Variants in STXBP6 observed in about 807,000 individuals in gnomAD.
STXBP6 encodes the protein syntaxin-binding protein 6.
In STXBP6, 21 loss-of-function variants were observed where a neutral mutation model predicts 26.9. The observed-to-expected ratio is 0.78, with a 90% CI of 0.55 to 1.12. The LOEUF (loss-of-function observed/expected upper bound fraction) is 1.12, where lower values mean the gene tolerates loss of function less well. Among genes scored for constraint, STXBP6 ranks in the 50% most tolerant of loss-of-function variants. The pLI is 0.00. For missense variants in STXBP6, 232 were observed against 257.9 expected, an observed-to-expected ratio of 0.90 and a Z score of 0.69; for synonymous variants, 97 against 92.6, an observed-to-expected ratio of 1.05 and a Z score of -0.27.
rs2068069069 is a variant in STXBP6, at chr14:24,819,185, A to G, written c.461T>C (p.Ile154Thr). Residue 154 changes from isoleucine to threonine, a missense_variant, in exon 5 of 6, where the codon ATC becomes ACC. Coordinates refer to ENST00000323944, the MANE Select transcript of STXBP6 (RefSeq NM_001394410.1). Reference sequence around the variant, plus strand: ...CACGCTGTCAGCAGCTGAATGGAGGATGCTGTTTCCTGAAAGGAGGAGAGC... The same window carrying G: ...CACGCTGTCAGCAGCTGAATGGAGGGTGCTGTTTCCTGAAAGGAGGAGAGC... ...CQSKIMGGNS[I>T]LHSAADSVTS... The G allele has an allele frequency of 6.2e-7, 1 of 1,613,946 alleles. No individual in the cohort carries two copies. The highest frequency in any genetic ancestry group is 8.5e-7 in the Non-Finnish European group (1 of 1,180,010).
At chr14:24,995,095 C>G (rs1007621105) in intron 1 of STXBP6, 1 of 151,854 alleles carries the variant, frequency 6.6e-6, no homozygotes, top group Non-Finnish European at 1.5e-5. Context: ...TCTCACTTTT[C>G]GGGAGGCTAA....
intron 4 of STXBP6, among the ~76,000 whole-genome samples, chr14:24,847,849 T>C (rs986996142): frequency 2.6e-5 from 4 of 152,186 alleles, no homozygotes; most frequent in East Asian, 3.8e-4. Context: ...ATTTTAAACA[T>C]TGTTGTTTTG....
chr14:25,049,961 G>A lies in STXBP6; in HGVS notation c.-116C>T. The stretch of plus-strand genomic sequence containing the variant: ...AGGCTCCTCCCCGGGGGGCTGCCCC[G>A]CGCGGGGCTCCGGGCTCCGGACAAG... On this transcript the variant is annotated 5_prime_UTR_variant, in exon 1 of 6. Coordinates refer to ENST00000323944, the MANE Select transcript of STXBP6 (RefSeq NM_001394410.1). The surrounding 1 kb of genome is among the most constrained non-coding windows in gnomAD (Gnocchi z 5.6). 2 of 837,036 alleles carry A rather than the reference G, an allele frequency of 2.4e-6. No homozygotes were observed. Among genetic ancestry groups the A allele is most frequent in the South Asian group, 5.5e-5 (1 of 18,274 alleles). 51.9% of individuals were successfully genotyped at this position (837,036 alleles called of 1,614,324 possible).
intron 1 of STXBP6, among the ~76,000 whole-genome samples, chr14:25,019,552 C>T (rs1358659528): frequency 2.0e-5 from 3 of 152,184 alleles, no homozygotes; most frequent in East Asian, 1.9e-4. Flanking sequence ...GAGTGAATTG[C>T]CTGGTTGGCA....
chr14:24,826,189 G>C (rs746653973), intron 4 of STXBP6, among the ~76,000 whole-genome samples: 1 of 152,112 alleles, frequency 6.6e-6, no homozygotes, highest in Non-Finnish European at 1.5e-5. Context: ...AATGCTACTG[G>C]TTAAAAAGCA....
chr14:25,004,181 T>G (rs1566554050), intron 1 of STXBP6, among the ~76,000 whole-genome samples: 1 of 152,202 alleles, frequency 6.6e-6, no homozygotes, highest in Non-Finnish European at 1.5e-5. Context: ...AATACAGTGA[T>G]AGGCCAAACA....
chr14:24,929,735 A>G (rs1308980126), intron 2 of STXBP6, among the ~76,000 whole-genome samples: 1 of 152,234 alleles, frequency 6.6e-6, no homozygotes, highest in African/African-American at 2.4e-5. Flanking sequence ...ATGTTCTACG[A>G]AAGATGGTCA....
chr14:24,962,287 T>TTTTATTTATTTA (rs72330952), intron 2 of STXBP6, among the ~76,000 whole-genome samples: 2 of 140,226 alleles, frequency 1.4e-5, no homozygotes, highest in Non-Finnish European at 3.1e-5. Flanking sequence ...GTACAAGATA[T>TTTTATTTATTTA]TTTATTTATT....
In STXBP6 at chr14:24,866,467, A is replaced by T. The variant is rs562748230; in HGVS notation, c.155-9310T>A. Among the ~76,000 whole-genome samples, 6 of 152,192 alleles carry T rather than the reference A, an allele frequency of 3.9e-5. No homozygotes were observed. In the East Asian group the frequency reaches 1.2e-3, roughly 30 times the overall value. ...TGTATATGTGTGTGTATGTATATAC[A>T]CTCATTCTATTGGTTCTGTTTCTGG... On this transcript the variant is annotated intron_variant, in intron 2 of 5. Transcript: ENST00000323944.
rs2075777298 is a variant in STXBP6 at position 25,049,744 on chromosome 14, G to A, written c.-33+134C>T. 6.1e-6 allele frequency: 6 copies of A among 985,520 alleles called. No individual in the cohort carries two copies. The highest frequency in any genetic ancestry group is 7.2e-6 in the Non-Finnish European group (6 of 830,022). 61.0% of individuals were successfully genotyped at this position (985,520 alleles called of 1,614,324 possible). A position where few individuals can be genotyped will look rare whatever the true frequency, so the allele number is the denominator to read the frequency against. ...CTTGGAAGAATCTCTCTGGGAGCCT[G>A]CCTACTCCCCTGGCCTCACAGCCAC... is the stretch of plus-strand genomic sequence containing the variant. On this transcript the variant is annotated intron_variant, in intron 1 of 5. Transcript: ENST00000323944. This position sits in a 1 kb window ranked among gnomAD's most constrained non-coding sequence, Gnocchi z 5.6.
chr14:25,004,061 G>A (rs2074831893), intron 1 of STXBP6, among the ~76,000 whole-genome samples: 2 of 152,200 alleles, frequency 1.3e-5, no homozygotes, highest in Admixed American at 6.5e-5. Flanking sequence ...CCTCAAAGGA[G>A]TACACCAGAC....
At chr14:24,852,175 G>A (rs1174484414) in intron 4 of STXBP6, among the ~76,000 whole-genome samples, 1 of 152,056 alleles carries the variant, frequency 6.6e-6, no homozygotes, top group African/African-American at 2.4e-5. Flanking sequence ...CAGACTAGAT[G>A]GTGCTCTGAA....
intron 1 of STXBP6, among the ~76,000 whole-genome samples, chr14:24,987,440 T>A (rs530799461): frequency 6.6e-6 from 1 of 152,262 alleles, no homozygotes; most frequent in East Asian, 1.9e-4. Flanking sequence ...AAGGAGGTTA[T>A]GGAAATCAGC....
intron 2 of STXBP6, among the ~76,000 whole-genome samples, chr14:24,877,328 T>G (rs2070181339): frequency 6.6e-6 from 1 of 152,186 alleles, no homozygotes; most frequent in African/African-American, 2.4e-5. Context: ...CAATACATTT[T>G]CACACAATCA....
intron 1 of STXBP6, among the ~76,000 whole-genome samples, chr14:24,982,828 C>A (rs545796535): frequency 6.6e-6 from 1 of 152,204 alleles, no homozygotes; most frequent in South Asian, 2.1e-4. Context: ...ATTTACATTG[C>A]GGGTGTACCT....
intron 1 of STXBP6, among the ~76,000 whole-genome samples, chr14:25,033,237 C>T (rs1004411495): frequency 4.6e-5 from 7 of 152,184 alleles, no homozygotes; most frequent in Non-Finnish European, 7.3e-5. Flanking sequence ...TCACCCTGTA[C>T]TTTCAACCCA....
At chr14:24,826,130 A>C (rs1265612115) in intron 4 of STXBP6, among the ~76,000 whole-genome samples, 1 of 152,150 alleles carries the variant, frequency 6.6e-6, no homozygotes, top group African/African-American at 2.4e-5. Flanking sequence ...ACACTCTAAT[A>C]ACTGTTAATT....
chr14:24,881,984 G>T (rs1003553254), intron 2 of STXBP6, among the ~76,000 whole-genome samples: 10 of 152,120 alleles, frequency 6.6e-5, no homozygotes, highest in Non-Finnish European at 1.0e-4. Context: ...CCTATACATT[G>T]GCAGGGCCCT....
rs1375240132 is a variant in STXBP6 at position 24,984,200 on chromosome 14, C to T, written c.-32-9350G>A. ...TGAGCCGAGATCGTGCGACTGCACT[C>T]CAGCCTGGCAACAGAGTGAGACTCT... On this transcript the variant is annotated intron_variant, in intron 1 of 5. Coordinates refer to ENST00000323944, the MANE Select transcript of STXBP6 (RefSeq NM_001394410.1). Among the ~76,000 whole-genome samples the T allele has an allele frequency of 2.6e-5, 4 of 151,926 alleles. No homozygotes were observed. In the South Asian group the frequency reaches 6.2e-4, roughly 24 times the overall value.
Sources: gnomAD v4.1 joint callset for allele counts (sites outside exome capture counted in the v4.1 genomes callset) on GRCh38, gnomAD v4.1.1 for gene constraint, Gnocchi (gnomAD v3.1) non-coding constraint, MANE v1.5 for transcripts, NCBI Gene and HGNC (gene_info 2026-07-23, HGNC 2026-07-21) for gene names.